KCNQ3: variants seen among roughly 807,000 people sequenced by gnomAD.
The protein encoded by KCNQ3 is potassium voltage-gated channel subfamily Q member 3, also known as potassium voltage-gated channel subfamily KQT member 3.
A neutral mutation model predicts 92.5 loss-of-function variants in KCNQ3; 30 were observed. The ratio of observed to expected loss-of-function variants is 0.32; its 90% CI spans 0.24 to 0.44. The LOEUF is 0.44. Among genes scored for constraint, KCNQ3 ranks in the 20% least tolerant of loss-of-function variants. The probability of loss-of-function intolerance (pLI) is 1.00; values close to 1 mark genes in which losing one functional copy is unlikely to be tolerated. For missense variants in KCNQ3, 913 were observed against 1,140.3 expected (o/e 0.80, Z 2.87); for synonymous variants, 450 against 468.8 (o/e 0.96, Z 0.52).
intron 1 of KCNQ3, among the ~76,000 whole-genome samples, chr8:132,201,026 C>G (rs935452198): frequency 6.6e-6 from 1 of 152,130 alleles, no homozygotes; most frequent in Non-Finnish European, 1.5e-5. Flanking sequence ...CAGAAGGTAC[C>G]ACATAGCTAG....
At chr8:132,358,947 G>C (rs1819089600) in intron 1 of KCNQ3, among the ~76,000 whole-genome samples, 1 of 152,202 alleles carries the variant, frequency 6.6e-6, no homozygotes, top group Admixed American at 6.5e-5. Context: ...GAGGATGAGG[G>C]AATACAACAA....
At chr8:132,221,228 T>C (rs1361594625) in intron 1 of KCNQ3, among the ~76,000 whole-genome samples, 1 of 152,224 alleles carries the variant, frequency 6.6e-6, no homozygotes, top group East Asian at 1.9e-4. Context: ...GATGGACATA[T>C]AGGTTGGTTC....
chr8:132,222,066 G>A (rs1814256746), intron 1 of KCNQ3, among the ~76,000 whole-genome samples: 1 of 152,184 alleles, frequency 6.6e-6, no homozygotes, highest in Non-Finnish European at 1.5e-5. Flanking sequence ...ATTGACAAAT[G>A]GGATCTAATT....
At chr8:132,455,199 C>T (rs184803579) in intron 1 of KCNQ3, among the ~76,000 whole-genome samples, 306 of 152,272 alleles carry the variant, frequency 2.0e-3, no homozygotes, top group Non-Finnish European at 3.6e-3. Flanking sequence ...CTCCACCCCT[C>T]GGGTTCAAGT....
At chr8:132,404,139 C>T (rs1291288631) in intron 1 of KCNQ3, among the ~76,000 whole-genome samples, 7 of 152,134 alleles carry the variant, frequency 4.6e-5, no homozygotes, top group East Asian at 3.9e-4. Context: ...GGGGCAGAAA[C>T]GTTTTTACTA....
At chr8:132,384,118 C>T (rs1182503045) in intron 1 of KCNQ3, among the ~76,000 whole-genome samples, 1 of 152,172 alleles carries the variant, frequency 6.6e-6, no homozygotes, top group Non-Finnish European at 1.5e-5. Flanking sequence ...GGCTTCTCTG[C>T]CCTAAGACCT....
Position 132,406,605 on chromosome 8 carries a change from C to T in KCNQ3, c.386+73542G>A, listed in dbSNP as rs373262872. 2.2e-4 allele frequency among the ~76,000 whole-genome samples: 34 copies of T among 152,046 alleles called. No individual in the cohort carries two copies. The East Asian group carries it at 5.8e-3, about 26-fold the overall frequency. On this transcript the variant is annotated intron_variant, in intron 1 of 14. Transcript: ENST00000388996. ...AAGACACAGGCACACACTCAGCACA[C>T]AGACAAATATGCACAAACATGGACA...
At chr8:132,453,244 T>C (rs1411338722) in intron 1 of KCNQ3, among the ~76,000 whole-genome samples, 2 of 152,014 alleles carry the variant, frequency 1.3e-5, no homozygotes, top group African/African-American at 4.8e-5. Context: ...TTGGCCTCGG[T>C]GAAGACGGCG....
At position 132,126,114 on chromosome 8, in the gene KCNQ3, T is replaced by C. The variant is rs1308032538; in HGVS notation, c.*3148A>G. 1 of 152,224 alleles carries C rather than the reference T, an allele frequency of 6.6e-6. No homozygotes were observed. Among genetic ancestry groups the C allele is most frequent in the African/African-American group, 2.4e-5 (1 of 41,452 alleles). 9.4% of individuals were successfully genotyped at this position (152,224 alleles called of 1,614,324 possible). A position where few individuals can be genotyped will look rare whatever the true frequency, so the allele number is the denominator to read the frequency against. On this transcript the variant is annotated 3_prime_UTR_variant, in exon 15 of 15. Coordinates refer to ENST00000388996, the MANE Select transcript of KCNQ3 (RefSeq NM_004519.4). Reference sequence around the variant, plus strand: ...AGAAAGACCAAATACATACATGAGATCATAGTTTTACCTGATAATATCACT... The same window carrying C: ...AGAAAGACCAAATACATACATGAGACCATAGTTTTACCTGATAATATCACT...
At position 132,136,472 on chromosome 8, in the gene KCNQ3, A is replaced by T. The variant is rs915891478; in HGVS notation, c.1700+1413T>A. Among the ~76,000 whole-genome samples the T allele has an allele frequency of 2.0e-5, 3 of 152,186 alleles. No homozygotes were observed. In the East Asian group the frequency reaches 5.8e-4, roughly 29 times the overall value. On this transcript the variant is annotated intron_variant, in intron 12 of 14. Coordinates refer to ENST00000388996, the MANE Select transcript of KCNQ3 (RefSeq NM_004519.4). ...TTGATACATTTTAAAAGTAGAAAAAAAAAATCACATATGGAGTCATCATCT... is the reference window on the plus strand; with the variant it reads ...TTGATACATTTTAAAAGTAGAAAAATAAAATCACATATGGAGTCATCATCT...
chr8:132,413,076 A>G lies in KCNQ3; in HGVS notation c.386+67071T>C, dbSNP rs530351755. Among the ~76,000 whole-genome samples the G allele has an allele frequency of 2.0e-5, 3 of 152,348 alleles. No individual in the cohort carries two copies. The East Asian group carries it at 5.8e-4, about 29-fold the overall frequency. On this transcript the variant is annotated intron_variant, in intron 1 of 14. Coordinates refer to ENST00000388996, the MANE Select transcript of KCNQ3 (RefSeq NM_004519.4). ...GATGAATTAGTGAAAAAATGAGTGA[A>G]TGAATGAATGCACAAACTTATCTCC... is the stretch of plus-strand genomic sequence containing the variant.
At chr8:132,437,891 T>C (rs990597551) in intron 1 of KCNQ3, among the ~76,000 whole-genome samples, 1 of 152,240 alleles carries the variant, frequency 6.6e-6, no homozygotes, top group African/African-American at 2.4e-5. Context: ...CTTGCATTTG[T>C]AAGAACATTG....
Position 132,132,176 on chromosome 8 carries a change from T to A in KCNQ3, c.1884+4A>T. 1 of 1,579,544 alleles carries A rather than the reference T, an allele frequency of 6.3e-7. No individual in the cohort carries two copies. Among genetic ancestry groups the A allele is most frequent in the Non-Finnish European group, 8.7e-7 (1 of 1,148,398 alleles). On this transcript the variant is annotated splice_donor_region_variant and intron_variant, in intron 14 of 14. Coordinates refer to ENST00000388996, the MANE Select transcript of KCNQ3 (RefSeq NM_004519.4). ...GTTTTTGGTGAGAGGAAGAAAAGAC[T>A]TACCTGTCTTTCAACTTTTACAAAC... is the stretch of plus-strand genomic sequence containing the variant.
rs117299538 is a variant in KCNQ3 at position 132,432,579 on chromosome 8, G to A, written c.386+47568C>T. 1.9e-4 allele frequency among the ~76,000 whole-genome samples: 29 copies of A among 151,914 alleles called. No individual in the cohort carries two copies. In the East Asian group the frequency reaches 4.9e-3, roughly 25 times the overall value. ...AGGCTTGCCTTTCCATTCCAAACTC[G>A]ACTCCACAGGCAGAGTGACCCTTCC... On this transcript the variant is annotated intron_variant, in intron 1 of 14. Transcript: ENST00000388996.
chr8:132,444,962 T>C (rs1375429498), intron 1 of KCNQ3, among the ~76,000 whole-genome samples: 3 of 152,198 alleles, frequency 2.0e-5, no homozygotes, highest in African/African-American at 7.2e-5. Context: ...ACAAAATTAG[T>C]TGGTGAGAAA....
intron 1 of KCNQ3, among the ~76,000 whole-genome samples, chr8:132,297,546 A>G (rs930398810): frequency 2.0e-5 from 3 of 152,214 alleles, no homozygotes; most frequent in Non-Finnish European, 4.4e-5. Flanking sequence ...TTCCCACTAC[A>G]GCACAAATAA....
At chr8:132,259,942 C>A (rs1432227811) in intron 1 of KCNQ3, among the ~76,000 whole-genome samples, 1 of 152,066 alleles carries the variant, frequency 6.6e-6, no homozygotes, top group African/African-American at 2.4e-5. Context: ...AAATTTAGTA[C>A]AAGACGTACA....
At chr8:132,419,261 C>A (rs1820902654) in intron 1 of KCNQ3, among the ~76,000 whole-genome samples, 1 of 152,184 alleles carries the variant, frequency 6.6e-6, no homozygotes, top group African/African-American at 2.4e-5. Context: ...TTCATCCTCT[C>A]AATTTTCAGC....
intron 1 of KCNQ3, among the ~76,000 whole-genome samples, chr8:132,326,685 A>T (rs1318965417): frequency 6.6e-6 from 1 of 152,200 alleles, no homozygotes; most frequent in Non-Finnish European, 1.5e-5. Flanking sequence ...AGGACTCAAC[A>T]GCAAGGCACC....
Sources: gnomAD v4.1 joint callset for allele counts (sites outside exome capture counted in the v4.1 genomes callset) on GRCh38, gnomAD v4.1.1 for gene constraint, MANE v1.5 for transcripts, NCBI Gene and HGNC (gene_info 2026-07-23, HGNC 2026-07-21) for gene names.